Variants in ATP13A3 observed in about 807,000 individuals in gnomAD.
ATP13A3 encodes the protein polyamine-transporting ATPase 13A3.
ATP13A3 carries 59 observed loss-of-function variants against 158.1 expected under a neutral mutation model. The observed-to-expected ratio is 0.37, with a 90% CI of 0.30 to 0.46. The LOEUF (loss-of-function observed/expected upper bound fraction) is 0.46, where lower values mean the gene tolerates loss of function less well. ATP13A3 is among the 20% of genes least tolerant of loss of function. The pLI, the probability that ATP13A3 is intolerant of heterozygous loss-of-function variation, is 1.00. For missense variants in ATP13A3, 1,166 were observed against 1,525.2 expected (o/e 0.76, Z 3.92); for synonymous variants, 491 against 504.3 (o/e 0.97, Z 0.35).
intron 24 of ATP13A3, 36 bp downstream of exon 24, chr3:194,430,907 T>C (rs1363511886): frequency 2.0e-6 from 3 of 1,528,914 alleles, no homozygotes; most frequent in South Asian, 1.3e-5. Flanking sequence ...CCATCATTCA[T>C]CAAAAACCAA....
intron 8 of ATP13A3, among the ~76,000 whole-genome samples, chr3:194,454,784 G>A (rs375443290): frequency 6.7e-5 from 10 of 150,332 alleles, no homozygotes; most frequent in East Asian, 2.0e-4. Context: ...AGCCGAGATC[G>A]CGCCACTGCA....
chr3:194,410,296 C>CAA (rs772008929), intron 33 of ATP13A3, among the ~76,000 whole-genome samples: 5,530 of 21,780 alleles, frequency 0.25, 2,288 homozygotes, highest in Middle Eastern at 0.36. Context: ...CTCCTCTCTG[C>CAA]AAAAAAAAAA....
intron 1 of ATP13A3, among the ~76,000 whole-genome samples, chr3:194,486,251 C>T (rs532961083): frequency 2.4e-4 from 35 of 143,502 alleles, no homozygotes; most frequent in Non-Finnish European, 4.6e-4. Context: ...AGGGCCCTGC[C>T]AGCACCCCTA....
intron 10 of ATP13A3, chr3:194,452,927 C>T (rs1276912365): frequency 6.6e-6 from 1 of 152,212 alleles, no homozygotes; most frequent in African/African-American, 2.4e-5. Flanking sequence ...TAGCATAGTG[C>T]CTGCTACATA....
rs958572641 is a variant in ATP13A3, at chr3:194,448,357, C to T, written c.1150+100G>A. ...CTTCCCAAAGTGCTGGGATTACAGG[C>T]GTTAGCCACAGCACCCAGCCCAGAA... On this transcript the variant is annotated intron_variant, in intron 12 of 33. Transcript: ENST00000645319. This position sits in a 1 kb window ranked among gnomAD's most constrained non-coding sequence, Gnocchi z 4.0. 22 of 1,384,352 alleles carry T rather than the reference C, an allele frequency of 1.6e-5. No individual in the cohort carries two copies. The highest frequency in any genetic ancestry group is 1.0e-4 in the African/African-American group (7 of 68,862). The allele number at this position is 1,384,352 out of a possible 1,614,324, so 85.8% of individuals were successfully genotyped here. A position where few individuals can be genotyped will look rare whatever the true frequency, so the allele number is the denominator to read the frequency against.
Position 194,443,942 on chromosome 3 carries a change from T to C in ATP13A3, c.1559+783A>G, listed in dbSNP as rs973078132. ...AAACACACAATACACAGAAGAATGC[T>C]AAATGACCCTCCCTCCAAAATGTGA... On this transcript the variant is annotated intron_variant, in intron 15 of 33. Coordinates refer to ENST00000645319, the MANE Select transcript of ATP13A3 (RefSeq NM_001367549.1). 7.9e-5 allele frequency among the ~76,000 whole-genome samples: 12 copies of C among 152,220 alleles called. No individual in the cohort carries two copies. In the East Asian group the frequency reaches 9.6e-4, roughly 12 times the overall value.
Position 194,450,284 on chromosome 3 carries a change from TAAAG to T in ATP13A3, c.839-12_839-9del, listed in dbSNP as rs761327844. 1.1e-5 allele frequency: 18 copies of T among 1,608,374 alleles called. No individual in the cohort carries two copies. The highest frequency in any genetic ancestry group is 8.9e-5 in the East Asian group (4 of 44,812). ...AAAAGATTTCTTCTATTTCTGAAAT[TAAAG>T]AAAGAAAGAAAAATCTGAAAAAGAT... On this transcript the variant is annotated splice_polypyrimidine_tract_variant and intron_variant, in intron 10 of 33. Coordinates refer to ENST00000645319, the MANE Select transcript of ATP13A3 (RefSeq NM_001367549.1).
At chr3:194,487,132 C>T (rs986783094), upstream of ATP13A3, 3 of 152,130 alleles carry the variant, frequency 2.0e-5, no homozygotes, top group Non-Finnish European at 4.4e-5. Flanking sequence ...CCACCCATCG[C>T]CTTTGCCACC....
At chr3:194,460,097 C>T in intron 4 of ATP13A3, 126 bp from the exon 5 acceptor site, 2 of 734,954 alleles carry the variant, frequency 2.7e-6, no homozygotes, top group South Asian at 2.3e-5. Flanking sequence ...ATCACGCCTA[C>T]TCACTAAATA....
chr3:194,429,577 A>G, intron 27 of ATP13A3, 101 bp downstream of exon 27: 1 of 792,078 alleles, frequency 1.3e-6, no homozygotes, highest in Non-Finnish European at 2.0e-6. Context: ...ACTCACAGAA[A>G]CAATTACTAA....
intron 22 of ATP13A3, 61 bp downstream of exon 22, chr3:194,431,656 A>AT (rs1717230846): frequency 2.1e-6 from 3 of 1,410,278 alleles, no homozygotes; most frequent in Non-Finnish European, 2.8e-6. Context: ...CACTTTTTTT[A>AT]TTTTTTCAGA....
At chr3:194,492,014 C>G (rs1457890442) in intron 2 of ATP13A3, among the ~76,000 whole-genome samples, 2 of 152,150 alleles carry the variant, frequency 1.3e-5, no homozygotes, top group Non-Finnish European at 2.9e-5. Flanking sequence ...TGACTTCAAG[C>G]AGAGCTGCTG....
intron 16 of ATP13A3, among the ~76,000 whole-genome samples, chr3:194,440,469 C>T (rs929500006): frequency 7.2e-5 from 11 of 152,272 alleles, no homozygotes; most frequent in Non-Finnish European, 2.9e-5. Flanking sequence ...TTTAAGAACC[C>T]CTGTCGATAA....
intron 10 of ATP13A3, chr3:194,450,580 T>C: frequency 3.2e-6 from 1 of 308,910 alleles, no homozygotes; most frequent in East Asian, 7.1e-5. Context: ...TGGTGACTAT[T>C]AGCCTAAGGA....
At position 194,430,954 on chromosome 3, in the gene ATP13A3, C is replaced by T; in HGVS notation, c.2613G>A (p.Leu871=). 1 of 1,609,938 alleles carries T rather than the reference C, an allele frequency of 6.2e-7. No individual in the cohort carries two copies. The highest frequency in any genetic ancestry group is 8.5e-7 in the Non-Finnish European group (1 of 1,177,602). Residue 871 remains leucine (L), a synonymous_variant, in exon 24 of 34, where the codon TTG becomes TTA. Coordinates refer to ENST00000645319, the MANE Select transcript of ATP13A3 (RefSeq NM_001367549.1). ...PDQKTQLIEA[L]QNVDYFVGMC... ...ACACCAATACTTACTCAACATTTTGCAATGCTTCTATCAACTGTGTCTTCT... is the reference window on the plus strand; with the variant it reads ...ACACCAATACTTACTCAACATTTTGTAATGCTTCTATCAACTGTGTCTTCT...
rs894246052 is a variant in ATP13A3, at chr3:194,459,365, T to C, written c.479+106A>G. Reference sequence around the variant, plus strand: ...TTAATTAATACGTGAATAGAAATTATAAAATAAAACCTCAGCAATTTTATG... The same window carrying C: ...TTAATTAATACGTGAATAGAAATTACAAAATAAAACCTCAGCAATTTTATG... On this transcript the variant is annotated intron_variant, in intron 6 of 33. Coordinates refer to ENST00000645319, the MANE Select transcript of ATP13A3 (RefSeq NM_001367549.1). The C allele has an allele frequency of 1.3e-5, 10 of 785,312 alleles. No individual in the cohort carries two copies. The East Asian group carries it at 2.1e-4, about 17-fold the overall frequency. 48.6% of individuals were successfully genotyped at this position (785,312 alleles called of 1,614,324 possible). A position where few individuals can be genotyped will look rare whatever the true frequency, so the allele number is the denominator to read the frequency against.
chr3:194,453,402 G>A (rs1286367675), intron 10 of ATP13A3, among the ~76,000 whole-genome samples: 1 of 150,902 alleles, frequency 6.6e-6, no homozygotes, highest in East Asian at 1.9e-4. Context: ...AGACCAGACT[G>A]GGCAACATGG....
intron 30 of ATP13A3, among the ~76,000 whole-genome samples, chr3:194,423,415 C>T (rs1716528567): frequency 6.6e-6 from 1 of 152,180 alleles, no homozygotes; most frequent in Non-Finnish European, 1.5e-5. Flanking sequence ...CCTGCATGGA[C>T]TCCAGTGACA....
In ATP13A3 at chr3:194,441,511, T is replaced by C. The variant is rs772931437; in HGVS notation, c.1560-50A>G. On this transcript the variant is annotated intron_variant, in intron 15 of 33. Coordinates refer to ENST00000645319, the MANE Select transcript of ATP13A3 (RefSeq NM_001367549.1). ...GTTTCATAAATTCTAAGATTCAAGATAATATTCTAACAGGGCTTTTCTGGT... is the reference window on the plus strand; with the variant it reads ...GTTTCATAAATTCTAAGATTCAAGACAATATTCTAACAGGGCTTTTCTGGT... The C allele has an allele frequency of 3.3e-6, 5 of 1,520,362 alleles. No homozygotes were observed. The African/African-American group carries it at 5.5e-5, about 17-fold the overall frequency. 94.2% of individuals were successfully genotyped at this position (1,520,362 alleles called of 1,614,324 possible).
Sources: allele counts gnomAD v4.1 joint callset (sites outside exome capture counted in the v4.1 genomes callset), GRCh38; gene constraint gnomAD v4.1.1; non-coding constraint Gnocchi (gnomAD v3.1); transcripts MANE v1.5; gene names NCBI Gene and HGNC (gene_info 2026-07-23, HGNC 2026-07-21).